IRS1: variants seen among roughly 807,000 people sequenced by gnomAD.
The protein encoded by IRS1 is insulin receptor substrate 1.
A neutral mutation model predicts 65.6 loss-of-function variants in IRS1; 34 were observed. That is an observed-to-expected ratio of 0.52 (90% CI 0.39 to 0.69). The LOEUF is 0.69. Among genes scored for constraint, IRS1 ranks in the 30% least tolerant of loss-of-function variants. The pLI is 0.00. For synonymous variants in IRS1, 699 were observed against 683.5 expected (o/e 1.02, Z -0.35); for missense variants, 1,641 against 1,720.2 (o/e 0.95, Z 0.81).
rs1297506629 is a variant in IRS1 at position 226,794,066 on chromosome 2, G to A, written c.*21+923C>T. 6.6e-6 allele frequency among the ~76,000 whole-genome samples: 1 copy of A among 152,172 alleles called. No homozygotes were observed. Among genetic ancestry groups the A allele is most frequent in the Non-Finnish European group, 1.5e-5 (1 of 68,032 alleles). ...TGCAAAACAAAACAAATTAAGGCAT[G>A]TTCCTGACTTAGTATGCATTCTTCT... is the stretch of plus-strand genomic sequence containing the variant. On this transcript the variant is annotated intron_variant, in intron 1 of 1. Transcript: ENST00000305123. The surrounding 1 kb of genome is among the most constrained non-coding windows in gnomAD (Gnocchi z 4.1).
chr2:226,766,442 C>T (rs951959662), intron 1 of IRS1, among the ~76,000 whole-genome samples: 4 of 151,396 alleles, frequency 2.6e-5, no homozygotes, highest in Non-Finnish European at 5.9e-5. Flanking sequence ...GGGATGACAG[C>T]GTGAGCCACC....
intron 1 of IRS1, among the ~76,000 whole-genome samples, chr2:226,768,135 C>T (rs762634726): frequency 2.6e-5 from 4 of 152,192 alleles, no homozygotes; most frequent in Non-Finnish European, 5.9e-5. Context: ...CACACAGCCT[C>T]GCCCCATAAG....
At chr2:226,787,095 C>T (rs1456447898) in intron 1 of IRS1, among the ~76,000 whole-genome samples, 2 of 152,168 alleles carry the variant, frequency 1.3e-5, no homozygotes, top group Non-Finnish European at 2.9e-5. Context: ...CACTGACCAC[C>T]CCATAACAAG....
chr2:226,799,023 G>T lies in IRS1; in HGVS notation c.-285C>A, dbSNP rs1402735247. 2.1e-6 allele frequency: 3 copies of T among 1,401,104 alleles called. No homozygotes were observed. The highest frequency in any genetic ancestry group is 2.8e-6 in the Non-Finnish European group (3 of 1,071,656). 86.8% of individuals were successfully genotyped at this position (1,401,104 alleles called of 1,614,324 possible). On this transcript the variant is annotated 5_prime_UTR_variant, in exon 1 of 2. Transcript: ENST00000305123. The surrounding 1 kb of genome is among the most constrained non-coding windows in gnomAD (Gnocchi z 6.1). Reference sequence around the variant, plus strand: ...GCAGCCCCGATCCTCCGAGAGCCAAGTCTCCTCTCAGCCGCCGCCGCCACC... The same window carrying T: ...GCAGCCCCGATCCTCCGAGAGCCAATTCTCCTCTCAGCCGCCGCCGCCACC...
chr2:226,793,673 C>T (rs1391747199), intron 1 of IRS1, among the ~76,000 whole-genome samples: 1 of 152,126 alleles, frequency 6.6e-6, no homozygotes, highest in East Asian at 1.9e-4. Context: ...TATGAATGGA[C>T]ACAAATTAAG....
At chr2:226,747,692 G>C (rs979854360) in intron 1 of IRS1, among the ~76,000 whole-genome samples, 1 of 152,138 alleles carries the variant, frequency 6.6e-6, no homozygotes, top group Non-Finnish European at 1.5e-5. Flanking sequence ...CATCCATCTG[G>C]CCTTTGGCAG....
At chr2:226,745,909 G>A (rs1238795863) in intron 1 of IRS1, among the ~76,000 whole-genome samples, 2 of 152,190 alleles carry the variant, frequency 1.3e-5, no homozygotes, top group Non-Finnish European at 2.9e-5. Flanking sequence ...TCAGAAAGGA[G>A]GAAGGGGAAA....
At position 226,799,754 on chromosome 2, in the gene IRS1, C is replaced by G. The variant is rs1939854693; in HGVS notation, c.-1016G>C. 1 of 998,644 alleles carries G rather than the reference C, an allele frequency of 1.0e-6. No individual in the cohort carries two copies. Among genetic ancestry groups the G allele is most frequent in the South Asian group, 4.7e-5 (1 of 21,288 alleles). 61.9% of individuals were successfully genotyped at this position (998,644 alleles called of 1,614,324 possible). The stretch of plus-strand genomic sequence containing the variant: ...TGCGCGCCGGCCCCCTCCGACCGCG[C>G]CGCCGTCTCACTCGGAGGAGAAAAA... On this transcript the variant is annotated 5_prime_UTR_variant, in exon 1 of 2. Coordinates refer to ENST00000305123, the MANE Select transcript of IRS1 (RefSeq NM_005544.3). This position sits in a 1 kb window ranked among gnomAD's most constrained non-coding sequence, Gnocchi z 6.1.
chr2:226,752,333 A>G (rs987728962), intron 1 of IRS1, among the ~76,000 whole-genome samples: 2 of 152,220 alleles, frequency 1.3e-5, no homozygotes, highest in Non-Finnish European at 2.9e-5. Flanking sequence ...GACAGTAGCA[A>G]ACTGGTCCCC....
intron 1 of IRS1, among the ~76,000 whole-genome samples, chr2:226,743,344 T>G (rs1201519137): frequency 6.6e-6 from 1 of 151,948 alleles, no homozygotes; most frequent in Non-Finnish European, 1.5e-5. Context: ...AGTCTCCTGC[T>G]TCAGCCTCCC....
In IRS1 at chr2:226,778,473, C is replaced by A. The variant is rs1222814783; in HGVS notation, c.*21+16516G>T. Among the ~76,000 whole-genome samples, 16 of 151,916 alleles carry A rather than the reference C, an allele frequency of 1.1e-4. 1 individual carries two copies. ...ATACACAGCAATACCAAAGTAAAAGCTTTTTACATAAGAGCAGTTTCAAGA... is the reference window on the plus strand; with the variant it reads ...ATACACAGCAATACCAAAGTAAAAGATTTTTACATAAGAGCAGTTTCAAGA... On this transcript the variant is annotated intron_variant, in intron 1 of 1. Coordinates refer to ENST00000305123, the MANE Select transcript of IRS1 (RefSeq NM_005544.3).
chr2:226,797,328 T>C lies in IRS1; in HGVS notation c.1411A>G (p.Lys471Glu). Residue 471 changes from lysine (K) to glutamate (E), a missense_variant, in exon 1 of 2, where the codon AAG (lysine) becomes GAG (glutamate). Physicochemically the swap from Lys to Glu is moderately conservative, Grantham distance 56. Coordinates refer to ENST00000305123, the MANE Select transcript of IRS1 (RefSeq NM_005544.3). This position sits in a 1 kb window ranked among gnomAD's most constrained non-coding sequence, Gnocchi z 8.1. ...ELSNYICMGG[K>E]GPSTLTAPNG... ...GGGGCGGTCAGGGTGGAGGGCCCCTTGCCACCCATGCAGATATAGTTGCTT... is the reference window on the plus strand; with the variant it reads ...GGGGCGGTCAGGGTGGAGGGCCCCTCGCCACCCATGCAGATATAGTTGCTT... 2 of 1,613,272 alleles carry C rather than the reference T, an allele frequency of 1.2e-6. No individual in the cohort carries two copies. Among genetic ancestry groups the C allele is most frequent in the Non-Finnish European group, 1.7e-6 (2 of 1,179,980 alleles).
intron 1 of IRS1, among the ~76,000 whole-genome samples, chr2:226,755,457 C>T (rs1382650103): frequency 5.9e-5 from 9 of 152,186 alleles, no homozygotes; most frequent in Non-Finnish European, 1.3e-4. Flanking sequence ...TTGGCAGTAA[C>T]TCATCTGAAT....
At chr2:226,768,034 C>A (rs1200815235) in intron 1 of IRS1, among the ~76,000 whole-genome samples, 2 of 152,160 alleles carry the variant, frequency 1.3e-5, no homozygotes, top group Non-Finnish European at 2.9e-5. Context: ...CCTTCTACCC[C>A]ATCCCTGCTG....
chr2:226,797,568 T>C lies in IRS1; in HGVS notation c.1171A>G (p.Ser391Gly). ...RCSPSATSPV[S>G]LSSSSTSGHG... ...CCACTGGTGCTACTGGACGACAGACTGACCGGGCTGGTGGCCGAAGGCGAG... is the reference window on the plus strand; with the variant it reads ...CCACTGGTGCTACTGGACGACAGACCGACCGGGCTGGTGGCCGAAGGCGAG... The change falls in exon 1 of 2, where the codon AGT (serine) becomes GGT (glycine). Residue 391 changes from serine (S) to glycine (G), a missense_variant. By Grantham distance (56) the Ser-to-Gly change is moderately conservative. Coordinates refer to ENST00000305123, the MANE Select transcript of IRS1 (RefSeq NM_005544.3). This position sits in a 1 kb window ranked among gnomAD's most constrained non-coding sequence, Gnocchi z 8.1. The C allele has an allele frequency of 6.3e-7, 1 of 1,598,522 alleles. No homozygotes were observed. Among genetic ancestry groups the C allele is most frequent in the Non-Finnish European group, 8.5e-7 (1 of 1,173,886 alleles).
At chr2:226,766,309 G>A (rs528807553) in intron 1 of IRS1, among the ~76,000 whole-genome samples, 1 of 149,628 alleles carries the variant, frequency 6.7e-6, no homozygotes, top group African/African-American at 2.5e-5. Flanking sequence ...GATTACAGGC[G>A]TGTGCCACCA....
rs1195496472 is a variant in IRS1, at chr2:226,796,579, G to A, written c.2160C>T (p.Ser720=). ...VLPHPKPPVE[S]SGGKLLPCTG... ...TGCAAGGTAAGAGCTTACCACCGCT[G>A]CTCTCCACTGGGGGTTTGGGGTGAG... Residue 720 remains serine, a synonymous_variant, in exon 1 of 2, where the codon AGC becomes AGT. Coordinates refer to ENST00000305123, the MANE Select transcript of IRS1 (RefSeq NM_005544.3). 1.2e-5 allele frequency: 20 copies of A among 1,613,970 alleles called. No homozygotes were observed. Among genetic ancestry groups the A allele is most frequent in the Non-Finnish European group, 1.7e-5 (20 of 1,179,986 alleles).
Position 226,796,809 on chromosome 2 carries a change from G to C in IRS1, c.1930C>G (p.Gln644Glu), listed in dbSNP as rs1247819181. 3 of 1,572,322 alleles carry C rather than the reference G, an allele frequency of 1.9e-6. No homozygotes were observed. The highest frequency in any genetic ancestry group is 2.7e-5 in the African/African-American group (2 of 74,088). ...PMSPKSVSAPQQIINPIRRHP... is the reference protein window; with the variant it reads ...PMSPKSVSAPEQIINPIRRHP... ...CGTCTGATGGGATTGATGATCTGCT[G>C]TGGGGCAGATACGCTCTTGGGGCTC... Residue 644 changes from glutamine (Q) to glutamate (E), a missense_variant, in exon 1 of 2, where the codon CAG becomes GAG. By Grantham distance (29) the Gln-to-Glu change is conservative. Transcript: ENST00000305123.
In IRS1 at chr2:226,798,766, C is replaced by T; in HGVS notation, c.-28G>A. 3 of 1,598,920 alleles carry T rather than the reference C, an allele frequency of 1.9e-6. No homozygotes were observed. Among genetic ancestry groups the T allele is most frequent in the Non-Finnish European group, 2.6e-6 (3 of 1,173,396 alleles). ...TGCCACCGCCACCACCAACGCTGAG[C>T]AGAGGGAGGCTCCGAAAAACAACCG... On this transcript the variant is annotated 5_prime_UTR_variant, in exon 1 of 2. Transcript: ENST00000305123. The surrounding 1 kb of genome is among the most constrained non-coding windows in gnomAD (Gnocchi z 9.4).
Sources: gnomAD v4.1 joint callset for allele counts (sites outside exome capture counted in the v4.1 genomes callset) on GRCh38, gnomAD v4.1.1 for gene constraint, Gnocchi (gnomAD v3.1) non-coding constraint, MANE v1.5 for transcripts, NCBI Gene and HGNC (gene_info 2026-07-23, HGNC 2026-07-21) for gene names.